Variants in CLCN3 observed in about 807,000 individuals in gnomAD.
CLCN3 encodes the protein H(+)/Cl(-) exchange transporter 3.
CLCN3 carries 16 observed loss-of-function variants against 83.4 expected under a neutral mutation model. The observed-to-expected ratio is 0.19, with a 90% CI of 0.13 to 0.29. CLCN3 has a LOEUF of 0.29. Among genes scored for constraint, CLCN3 ranks in the 10% least tolerant of loss-of-function variants. The probability of loss-of-function intolerance (pLI) is 1.00; values close to 1 mark genes in which losing one functional copy is unlikely to be tolerated. For missense variants in CLCN3, 544 were observed against 1,006.0 expected (o/e 0.54, Z 6.21); for synonymous variants, 322 against 346.2 (o/e 0.93, Z 0.78).
rs922417313 is a variant in CLCN3, at chr4:169,624,185, G to C, written c.-17+3122G>C. On this transcript the variant is annotated intron_variant, in intron 1 of 12. Transcript: ENST00000513761. The stretch of plus-strand genomic sequence containing the variant: ...CTCTTGTTCTGTTACCCCAGCTGGA[G>C]TGTAGTGGTGCAATCTCTGCTCACT... 3.9e-5 allele frequency among the ~76,000 whole-genome samples: 6 copies of C among 152,132 alleles called. No homozygotes were observed. The East Asian group carries it at 1.2e-3, about 29-fold the overall frequency.
chr4:169,720,069 G>C lies in CLCN3; in HGVS notation c.*72G>C. The stretch of plus-strand genomic sequence containing the variant: ...GTTGAATAGCACAACTCTTTAACCT[G>C]AGGGAGTCATCTACTTTTTTTTCCT... On this transcript the variant is annotated 3_prime_UTR_variant, in exon 13 of 13. Coordinates refer to ENST00000513761, the MANE Select transcript of CLCN3 (RefSeq NM_001829.4). The C allele has an allele frequency of 6.4e-7, 1 of 1,572,140 alleles. No individual in the cohort carries two copies.
At chr4:169,703,975 A>C in intron 9 of CLCN3, 23 bp from the exon 10 acceptor site, 1 of 1,611,102 alleles carries the variant, frequency 6.2e-7, no homozygotes, top group East Asian at 2.2e-5. Context: ...TCTGCTCCAT[A>C]AAGAGTTCTG....
At chr4:169,661,448 A>C (rs1013713407) in intron 2 of CLCN3, among the ~76,000 whole-genome samples, 1 of 152,110 alleles carries the variant, frequency 6.6e-6, no homozygotes, top group Non-Finnish European at 1.5e-5. Context: ...TGTTCTGATA[A>C]CACTTTTTTT....
At chr4:169,698,085 C>T (rs143930967) in intron 9 of CLCN3, among the ~76,000 whole-genome samples, 3 of 151,868 alleles carry the variant, frequency 2.0e-5, no homozygotes, top group African/African-American at 4.8e-5. Context: ...TTCTTTTTTT[C>T]GTTTCCTTTT....
At chr4:169,658,109 A>T in intron 2 of CLCN3, among the ~76,000 whole-genome samples, 1 of 152,086 alleles carries the variant, frequency 6.6e-6, no homozygotes. Context: ...ATTTGTTTAA[A>T]CAGTGTGGAA....
At chr4:169,695,778 A>G (rs1366630778) in intron 8 of CLCN3, 86 bp downstream of exon 8, 6 of 833,100 alleles carry the variant, frequency 7.2e-6, no homozygotes, top group Non-Finnish European at 1.1e-5. Flanking sequence ...TAGGTGATGT[A>G]ATAGGTAGAG....
chr4:169,711,054 CA>C (rs1329264096), intron 11 of CLCN3, among the ~76,000 whole-genome samples: 18 of 152,286 alleles, frequency 1.2e-4, no homozygotes, highest in African/African-American at 4.3e-4. Flanking sequence ...AAATGATTTA[CA>C]AACCCTATTG....
intron 2 of CLCN3, among the ~76,000 whole-genome samples, chr4:169,664,647 TAAA>T: frequency 6.6e-6 from 1 of 152,362 alleles, no homozygotes; most frequent in Middle Eastern, 3.4e-3. Flanking sequence ...AACAGTAGTA[TAAA>T]ACAAAGCCTG....
At chr4:169,693,899 GGTTA>G (rs1379963424) in intron 7 of CLCN3, among the ~76,000 whole-genome samples, 1 of 152,148 alleles carries the variant, frequency 6.6e-6, no homozygotes, top group Non-Finnish European at 1.5e-5. Flanking sequence ...AAGAATTCAC[GGTTA>G]GTTGAAAGCA....
At chr4:169,670,601 C>CT (rs1191075672) in intron 2 of CLCN3, among the ~76,000 whole-genome samples, 2 of 152,066 alleles carry the variant, frequency 1.3e-5, no homozygotes, top group African/African-American at 2.4e-5. Context: ...CATACGGGCT[C>CT]TTTTTTGGTT....
chr4:169,712,868 A>G (rs1733276525), intron 11 of CLCN3, among the ~76,000 whole-genome samples: 1 of 152,228 alleles, frequency 6.6e-6, no homozygotes, highest in African/African-American at 2.4e-5. Flanking sequence ...CATGAAGATG[A>G]TATATTATTG....
chr4:169,695,770 G>A, intron 8 of CLCN3, 78 bp downstream of exon 8: 1 of 920,354 alleles, frequency 1.1e-6, no homozygotes, highest in South Asian at 1.6e-5. Context: ...CAGTTTTGTA[G>A]GTGATGTAAT....
intron 1 of CLCN3, among the ~76,000 whole-genome samples, chr4:169,624,408 A>T (rs1290681227): frequency 6.6e-6 from 1 of 152,140 alleles, no homozygotes; most frequent in East Asian, 1.9e-4. Context: ...TGCTGGGATT[A>T]CAGGCATGAG....
intron 2 of CLCN3, among the ~76,000 whole-genome samples, chr4:169,640,795 A>G (rs1581196877): frequency 6.6e-6 from 1 of 152,236 alleles, no homozygotes; most frequent in South Asian, 2.1e-4. Flanking sequence ...AGATAGTACT[A>G]TCTTCACTTG....
At chr4:169,659,338 A>G (rs1176176982) in intron 2 of CLCN3, among the ~76,000 whole-genome samples, 3 of 152,196 alleles carry the variant, frequency 2.0e-5, no homozygotes, top group African/African-American at 7.2e-5. Context: ...TCTGAACTTC[A>G]TAAAAATTTC....
In CLCN3 at chr4:169,678,462, G is replaced by A. The variant is rs373742869; in HGVS notation, c.161-1588G>A. ...TATTGATCACTCTTGGGTGTTTCTC[G>A]GAGAGGGGGATTTGGCAGGGTCATA... On this transcript the variant is annotated intron_variant, in intron 2 of 12. Transcript: ENST00000513761. Among the ~76,000 whole-genome samples, 10 of 151,702 alleles carry A rather than the reference G, an allele frequency of 6.6e-5. No individual in the cohort carries two copies. In the South Asian group the frequency reaches 8.4e-4, roughly 13 times the overall value.
intron 12 of CLCN3, among the ~76,000 whole-genome samples, chr4:169,716,878 G>C (rs192317355): frequency 2.6e-5 from 4 of 152,252 alleles, no homozygotes; most frequent in African/African-American, 9.6e-5. Flanking sequence ...GACTTAATGA[G>C]ATCATCAAGG....
chr4:169,660,327 CT>C, intron 2 of CLCN3: 1 of 1,371,494 alleles, frequency 7.3e-7, no homozygotes, highest in Non-Finnish European at 9.3e-7. Context: ...AGCTAGCAAG[CT>C]TTTTCTTTTT....
chr4:169,636,399 T>A (rs79297870), intron 2 of CLCN3, among the ~76,000 whole-genome samples: 6,501 of 152,262 alleles, frequency 0.043, 178 homozygotes, highest in Non-Finnish European at 0.059. Context: ...AGTGTGGAAA[T>A]TGATGAATTC....
Sources: allele counts gnomAD v4.1 joint callset (sites outside exome capture counted in the v4.1 genomes callset), GRCh38; gene constraint gnomAD v4.1.1; transcripts MANE v1.5; gene names NCBI Gene and HGNC (gene_info 2026-07-23, HGNC 2026-07-21).